The following EFTUD2 variants were observed in gnomAD, a reference collection of about 807,000 sequenced individuals.
The protein encoded by EFTUD2 is elongation factor Tu GTP binding domain containing 2, also known as 116 kDa U5 small nuclear ribonucleoprotein component.
Under a neutral mutation model 114.3 loss-of-function variants are expected in EFTUD2, and 9 were observed. That is an observed-to-expected ratio of 0.08 (90% confidence interval 0.05 to 0.14). The LOEUF is 0.14. Among genes scored for constraint, EFTUD2 ranks in the 10% least tolerant of loss-of-function variants. EFTUD2 has a pLI of 1.00. For synonymous variants in EFTUD2, 449 were observed against 462.3 expected (o/e 0.97, Z 0.37); for missense variants, 765 against 1,241.2 (o/e 0.62, Z 5.76).
At position 44,853,576 on chromosome 17, in the gene EFTUD2, G is replaced by A. The variant is rs755484427; in HGVS notation, c.2407C>T (p.Arg803Trp). The A allele has an allele frequency of 1.9e-5, 31 of 1,614,052 alleles. No individual in the cohort carries two copies. Among genetic ancestry groups the A allele is most frequent in the Non-Finnish European group, 2.5e-5 (29 of 1,180,028 alleles). ...GTGGGGATGATCTGGCCCCCGCCCC[G>A]GTGCAGGGGCTCCTGGGCAACCACC... ...DAVVAQEPLH[R>W]GGGQIIPTAR... Residue 803 changes from arginine to tryptophan, a missense_variant, in exon 24 of 28, where the codon CGG becomes TGG. Arg to Trp is a moderately radical substitution (Grantham distance 101, BLOSUM62 -3). Transcript: ENST00000426333.
chr17:44,874,723 G>GTA lies in EFTUD2; in HGVS notation c.869+1209_869+1210dup, dbSNP rs536235431. 1.8e-3 allele frequency among the ~76,000 whole-genome samples: 272 copies of GTA among 152,292 alleles called. 1 individual carries two copies. Among genetic ancestry groups the GTA allele is most frequent in the African/African-American group, 6.3e-3 (263 of 41,560 alleles). ...AAGGTATCATAACCATCACTCATATGTATCAATGCAAGCCCTAAATCCATC... is the reference window on the plus strand; with the variant it reads ...AAGGTATCATAACCATCACTCATATGTATATCAATGCAAGCCCTAAATCCATC... On this transcript the variant is annotated intron_variant, in intron 10 of 27. Coordinates refer to ENST00000426333, the MANE Select transcript of EFTUD2 (RefSeq NM_004247.4).
At position 44,850,905 on chromosome 17, in the gene EFTUD2, A is replaced by G; in HGVS notation, c.*369T>C. The G allele has an allele frequency of 3.6e-6, 1 of 281,206 alleles. No homozygotes were observed. Among genetic ancestry groups the G allele is most frequent in the Admixed American group, 4.6e-5 (1 of 21,872 alleles). 17.4% of individuals were successfully genotyped at this position (281,206 alleles called of 1,614,324 possible). A position where few individuals can be genotyped will look rare whatever the true frequency, so the allele number is the denominator to read the frequency against. ...GAGACGAGGATGAAAGGAGCAGAGC[A>G]AGACAGAGGTCAGAATGTTCTGTTC... On this transcript the variant is annotated 3_prime_UTR_variant, in exon 28 of 28. Coordinates refer to ENST00000426333, the MANE Select transcript of EFTUD2 (RefSeq NM_004247.4).
chr17:44,883,874 T>C, intron 4 of EFTUD2, 150 bp from the exon 5 acceptor site: 2 of 671,480 alleles, frequency 3.0e-6, no homozygotes, highest in Non-Finnish European at 2.7e-6. Flanking sequence ...TATACTTACA[T>C]AGCTCTGGCT....
intron 6 of EFTUD2, 112 bp from the exon 7 acceptor site, chr17:44,881,834 AAG>A (rs757368572): frequency 1.7e-3 from 1,666 of 970,264 alleles, no homozygotes; most frequent in East Asian, 2.2e-3. Context: ...TTTGAGATTA[AAG>A]AGAGAGAGAG....
chr17:44,854,610 A>G lies in EFTUD2; in HGVS notation c.2205T>C (p.Phe735=). The part of the protein sequence containing the change: ...DLLAARSIWA[F]GPDATGPNIL... The stretch of plus-strand genomic sequence containing the variant: ...TGTTGGGGCCAGTCGCATCAGGGCC[A>G]AAAGCCCAGATGGAACGGGCAGCCA... Residue 735 remains phenylalanine, a synonymous_variant, in exon 22 of 28, where the codon TTT becomes TTC. Coordinates refer to ENST00000426333, the MANE Select transcript of EFTUD2 (RefSeq NM_004247.4). This position sits in a 1 kb window ranked among gnomAD's most constrained non-coding sequence, Gnocchi z 4.3. 1 of 1,614,196 alleles carries G rather than the reference A, an allele frequency of 6.2e-7. No homozygotes were observed. Among genetic ancestry groups the G allele is most frequent in the Non-Finnish European group, 8.5e-7 (1 of 1,180,010 alleles).
At chr17:44,878,740 TG>T (rs1422045396) in intron 9 of EFTUD2, among the ~76,000 whole-genome samples, 2 of 152,204 alleles carry the variant, frequency 1.3e-5, no homozygotes, top group African/African-American at 2.4e-5. Flanking sequence ...GTGGGTTCTT[TG>T]AACAATTCTT....
At chr17:44,860,964 T>C (rs2050647484) in intron 16 of EFTUD2, among the ~76,000 whole-genome samples, 2 of 152,134 alleles carry the variant, frequency 1.3e-5, no homozygotes, top group South Asian at 4.1e-4. Context: ...AACAGATACA[T>C]TCTAGCAGGG....
chr17:44,862,319 C>T (rs2050673044), intron 16 of EFTUD2, among the ~76,000 whole-genome samples: 1 of 152,016 alleles, frequency 6.6e-6, no homozygotes, highest in African/African-American at 2.4e-5. Context: ...CTTGTAGTTC[C>T]AGCTACTCAG....
At chr17:44,855,550 G>A (rs1426077836) in intron 20 of EFTUD2, among the ~76,000 whole-genome samples, 1 of 148,670 alleles carries the variant, frequency 6.7e-6, no homozygotes, top group African/African-American at 2.5e-5. Flanking sequence ...CCTGGCGACC[G>A]TGCAAGACTC....
At chr17:44,893,187 A>G (rs1043614384) in intron 2 of EFTUD2, among the ~76,000 whole-genome samples, 1 of 151,778 alleles carries the variant, frequency 6.6e-6, no homozygotes, top group Admixed American at 6.6e-5. Flanking sequence ...CAGTGGCACA[A>G]TCTTGGCTCA....
chr17:44,893,719 T>C (rs1240710780), intron 2 of EFTUD2, among the ~76,000 whole-genome samples: 4 of 133,776 alleles, frequency 3.0e-5, no homozygotes, highest in Admixed American at 2.8e-4. Flanking sequence ...ACCCAGGGTA[T>C]CACTGGAACA....
intron 19 of EFTUD2, chr17:44,857,434 GCT>G (rs2050576771): frequency 2.7e-6 from 1 of 367,638 alleles, no homozygotes; most frequent in Admixed American, 3.7e-5. Context: ...TTCAAAGGTA[GCT>G]CTCAGCATCC....
At chr17:44,880,048 T>C (rs545205627) in intron 8 of EFTUD2, among the ~76,000 whole-genome samples, 1 of 152,092 alleles carries the variant, frequency 6.6e-6, no homozygotes, top group East Asian at 1.9e-4. Context: ...GGCTGAGAGG[T>C]ATCAGGACAC....
At chr17:44,870,078 T>A (rs1379171130) in intron 11 of EFTUD2, among the ~76,000 whole-genome samples, 3 of 152,178 alleles carry the variant, frequency 2.0e-5, no homozygotes, top group African/African-American at 7.2e-5. Context: ...GACTCAATGA[T>A]CTCTTCAATA....
intron 2 of EFTUD2, among the ~76,000 whole-genome samples, chr17:44,887,533 C>T (rs1406840638): frequency 1.3e-5 from 2 of 152,064 alleles, no homozygotes; most frequent in Non-Finnish European, 2.9e-5. Flanking sequence ...CATGCTACAG[C>T]GTAGATAAGC....
intron 8 of EFTUD2, 57 bp from the exon 9 acceptor site, chr17:44,879,695 T>C (rs1050322510): frequency 5.0e-5 from 79 of 1,566,856 alleles, no homozygotes; most frequent in Non-Finnish European, 6.3e-5. Flanking sequence ...CACAATTAAC[T>C]GGTAGGGTGA....
intron 10 of EFTUD2, among the ~76,000 whole-genome samples, chr17:44,875,338 G>A (rs2145514065): frequency 6.6e-6 from 1 of 152,238 alleles, no homozygotes; most frequent in East Asian, 1.9e-4. Flanking sequence ...AGACCAACCT[G>A]GCTAACACAG....
At chr17:44,857,484 T>C (rs765851136) in intron 19 of EFTUD2, 9 of 312,898 alleles carry the variant, frequency 2.9e-5, no homozygotes, top group Non-Finnish European at 5.0e-5. Flanking sequence ...ACAACCCCCA[T>C]GGGTCTGACA....
intron 3 of EFTUD2, among the ~76,000 whole-genome samples, chr17:44,886,344 G>C (rs1433293086): frequency 2.0e-5 from 3 of 152,180 alleles, no homozygotes; most frequent in African/African-American, 7.2e-5. Context: ...CTTAACGACA[G>C]TCTTCATGCA....
Sources: gnomAD v4.1 joint callset for allele counts (sites outside exome capture counted in the v4.1 genomes callset) on GRCh38, gnomAD v4.1.1 for gene constraint, Gnocchi (gnomAD v3.1) non-coding constraint, MANE v1.5 for transcripts, NCBI Gene and HGNC (gene_info 2026-07-23, HGNC 2026-07-21) for gene names.